Variants in CRYBG1 observed in about 807,000 individuals in gnomAD.
CRYBG1 encodes the protein crystallin beta-gamma domain containing 1, also known as beta/gamma crystallin domain-containing protein 1.
A neutral mutation model predicts 189.2 loss-of-function variants in CRYBG1; 139 were observed. The observed-to-expected ratio is 0.73, with a 90% CI of 0.64 to 0.85. The LOEUF (loss-of-function observed/expected upper bound fraction) is 0.85, where lower values mean the gene tolerates loss of function less well. Among genes scored for constraint, CRYBG1 ranks in the 40% least tolerant of loss-of-function variants. CRYBG1 has a pLI of 0.00. For synonymous variants in CRYBG1, 1,023 were observed against 1,017.1 expected (o/e 1.01, Z -0.11); for missense variants, 2,611 against 2,675.8 (o/e 0.98, Z 0.53).
At chr6:106,499,213 C>T (rs1281365660) in intron 2 of CRYBG1, among the ~76,000 whole-genome samples, 2 of 143,028 alleles carry the variant, frequency 1.4e-5, no homozygotes, top group African/African-American at 2.6e-5. Flanking sequence ...AGTGCAGTGG[C>T]GTGATCTCAG....
Position 106,555,907 on chromosome 6 carries a change from T to C in CRYBG1, c.5715+10T>C. 6.2e-7 allele frequency: 1 copy of C among 1,614,156 alleles called. No homozygotes were observed. Among genetic ancestry groups the C allele is most frequent in the Non-Finnish European group, 8.5e-7 (1 of 1,179,968 alleles). ...TCGTTTTATAGATGTTGTAAGTATG[T>C]CATTGTGAATAGTGTTGCAGAAATG... On this transcript the variant is annotated intron_variant, in intron 17 of 21. Transcript: ENST00000633556.
chr6:106,571,960 A>T lies in CRYBG1; in HGVS notation c.*3394A>T. The T allele has an allele frequency of 6.5e-7, 1 of 1,540,316 alleles. No homozygotes were observed. The highest frequency in any genetic ancestry group is 9.0e-7 in the Non-Finnish European group (1 of 1,114,924). ...ATTTGGGCTCACAGGCACTCACCAA[A>T]TAAGAACGTCAACAATCACTAAACT... On this transcript the variant is annotated 3_prime_UTR_variant, in exon 22 of 22. Transcript: ENST00000633556.
chr6:106,523,100 G>C (rs1350455144), intron 4 of CRYBG1, among the ~76,000 whole-genome samples: 1 of 152,110 alleles, frequency 6.6e-6, no homozygotes. Context: ...ATGGAGCCTT[G>C]TACTCCGCTG....
intron 1 of CRYBG1, among the ~76,000 whole-genome samples, chr6:106,439,308 T>G (rs1172981970): frequency 6.6e-6 from 1 of 152,166 alleles, no homozygotes; most frequent in Admixed American, 6.5e-5. Context: ...TTTTATGAAT[T>G]TCTCATTTTT....
At chr6:106,384,744 G>GT (rs1172095939) in intron 1 of CRYBG1, among the ~76,000 whole-genome samples, 1 of 151,976 alleles carries the variant, frequency 6.6e-6, no homozygotes, top group Non-Finnish European at 1.5e-5. Context: ...TGTTTTAAAA[G>GT]TAAAACATAC....
intron 1 of CRYBG1, among the ~76,000 whole-genome samples, chr6:106,384,122 G>A (rs993138035): frequency 2.6e-5 from 4 of 152,174 alleles, no homozygotes; most frequent in African/African-American, 9.7e-5. Flanking sequence ...CTGATGGTGT[G>A]AGGTCAGTGT....
chr6:106,389,948 G>T (rs982254585), intron 1 of CRYBG1, among the ~76,000 whole-genome samples: 1 of 151,964 alleles, frequency 6.6e-6, no homozygotes, highest in Non-Finnish European at 1.5e-5. Flanking sequence ...ATATTTCGTT[G>T]TTCACCCTTT....
rs1029264269 is a variant in CRYBG1, at chr6:106,569,989, C to T, written c.*1423C>T. On this transcript the variant is annotated 3_prime_UTR_variant, in exon 22 of 22. Transcript: ENST00000633556. ...CTTCAAGCAATCTTGGAATCCTCAACTGCAGTAAGCATTTCAAAATGCAAA... is the reference window on the plus strand; with the variant it reads ...CTTCAAGCAATCTTGGAATCCTCAATTGCAGTAAGCATTTCAAAATGCAAA... 4 of 152,258 alleles carry T rather than the reference C, an allele frequency of 2.6e-5. No homozygotes were observed. The highest frequency in any genetic ancestry group is 4.4e-5 in the Non-Finnish European group (3 of 68,050). The allele number at this position is 152,258 out of a possible 1,614,324, so 9.4% of individuals were successfully genotyped here.
rs774269911 is a variant in CRYBG1, at chr6:106,544,669, A to G, written c.5138A>G (p.Glu1713Gly). ...AAAGCCTGGGGAGGTTACAATGGAGAGCTTCAGTCTTTACGACCTATATTA... is the reference window on the plus strand; with the variant it reads ...AAAGCCTGGGGAGGTTACAATGGAGGGCTTCAGTCTTTACGACCTATATTA... ...DWKAWGGYNGELQSLRPILGD... is the reference protein window; with the variant it reads ...DWKAWGGYNGGLQSLRPILGD... The change falls in exon 12 of 22, where the codon GAG becomes GGG. Residue 1713 changes from glutamate (E) to glycine (G), a missense_variant. By Grantham distance (98) the Glu-to-Gly change is moderately conservative. This residue lies in a region of CRYBG1 where 1,622 missense variants were observed against 1,735.0 expected (regional missense o/e 0.93). Transcript: ENST00000633556. The G allele has an allele frequency of 1.2e-6, 2 of 1,614,096 alleles. No individual in the cohort carries two copies. The highest frequency in any genetic ancestry group is 1.7e-6 in the Non-Finnish European group (2 of 1,179,986).
At position 106,468,547 on chromosome 6, in the gene CRYBG1, G is replaced by A. The variant is rs183285896; in HGVS notation, c.312+16715G>A. ...TAATCCACAAAAATGTGAATTAGCC[G>A]GGCATGATGGCGTGTGCCTGTAGTC... On this transcript the variant is annotated intron_variant, in intron 2 of 21. Transcript: ENST00000633556. Among the ~76,000 whole-genome samples, 11 of 152,238 alleles carry A rather than the reference G, an allele frequency of 7.2e-5. No individual in the cohort carries two copies. In the East Asian group the frequency reaches 1.7e-3, roughly 24 times the overall value.
At chr6:106,374,915 G>C (rs1482829013) in intron 1 of CRYBG1, among the ~76,000 whole-genome samples, 1 of 152,158 alleles carries the variant, frequency 6.6e-6, no homozygotes, top group Non-Finnish European at 1.5e-5. Flanking sequence ...GAATGAGAGA[G>C]AGAAAAGCCA....
chr6:106,430,285 T>G (rs1479368817), intron 1 of CRYBG1, among the ~76,000 whole-genome samples: 2 of 152,062 alleles, frequency 1.3e-5, no homozygotes, highest in Non-Finnish European at 2.9e-5. Context: ...ATTTAAAAAT[T>G]AGCTGGATGC....
chr6:106,521,525 C>G, intron 4 of CRYBG1, 72 bp downstream of exon 4: 1 of 1,427,528 alleles, frequency 7.0e-7, no homozygotes, highest in Non-Finnish European at 9.4e-7. Context: ...ATGAGCAACT[C>G]ATGTTATTCT....
At chr6:106,439,665 C>A (rs1285189225) in intron 1 of CRYBG1, among the ~76,000 whole-genome samples, 1 of 151,770 alleles carries the variant, frequency 6.6e-6, no homozygotes, top group Non-Finnish European at 1.5e-5. Context: ...GGTTTAGTGA[C>A]TCAACTCTCT....
rs891264418 is a variant in CRYBG1, at chr6:106,520,095, C to T, written c.2887C>T (p.Pro963Ser). Residue 963 changes from proline to serine, a missense_variant, in exon 4 of 22, where the codon CCC becomes TCC. Coordinates refer to ENST00000633556, the MANE Select transcript of CRYBG1 (RefSeq NM_001371242.2). ...CGTCCAGGTCAGGTCCTTCGTGCTC[C>T]CCGTGGAGAGCACCCAGGATGTGAG... ...VLVQVRSFVL[P>S]VESTQDVSSQ... 6 of 1,614,098 alleles carry T rather than the reference C, an allele frequency of 3.7e-6. No individual in the cohort carries two copies. Among genetic ancestry groups the T allele is most frequent in the African/African-American group, 1.3e-5 (1 of 75,022 alleles).
At position 106,512,936 on chromosome 6, in the gene CRYBG1, C is replaced by T; in HGVS notation, c.1819C>T (p.Leu607=). The part of the protein sequence containing the change: ...GRAEGGRSRE[L]GRAAGAPGAS... The stretch of plus-strand genomic sequence containing the variant: ...GGCAGAGGGAGGTCGAAGCAGAGAG[C>T]TGGGCAGAGCGGCCGGAGCGCCTGG... Residue 607 remains leucine (L), a synonymous_variant, in exon 3 of 22, where the codon CTG becomes TTG. Coordinates refer to ENST00000633556, the MANE Select transcript of CRYBG1 (RefSeq NM_001371242.2). 1 of 1,609,798 alleles carries T rather than the reference C, an allele frequency of 6.2e-7. No homozygotes were observed. The highest frequency in any genetic ancestry group is 8.5e-7 in the Non-Finnish European group (1 of 1,178,504).
chr6:106,463,420 G>A (rs1272113576), intron 2 of CRYBG1, among the ~76,000 whole-genome samples: 1 of 152,102 alleles, frequency 6.6e-6, no homozygotes, highest in African/African-American at 2.4e-5. Flanking sequence ...TAGAATGTTT[G>A]TCACCCTAGT....
chr6:106,438,882 T>C (rs539262103), intron 1 of CRYBG1, among the ~76,000 whole-genome samples: 4 of 152,220 alleles, frequency 2.6e-5, no homozygotes, highest in Admixed American at 2.6e-4. Context: ...GTAGCATAAA[T>C]TGTAACTGTT....
intron 1 of CRYBG1, among the ~76,000 whole-genome samples, chr6:106,422,742 T>G (rs192772142): frequency 6.6e-6 from 1 of 152,320 alleles, no homozygotes; most frequent in Admixed American, 6.5e-5. Flanking sequence ...ATAATGTTTA[T>G]TTGGGGGATG....
Sources: allele counts gnomAD v4.1 joint callset (sites outside exome capture counted in the v4.1 genomes callset), GRCh38; gene constraint gnomAD v4.1.1; regional missense constraint gnomAD v4.1.1; transcripts MANE v1.5; gene names NCBI Gene and HGNC (gene_info 2026-07-23, HGNC 2026-07-21).